The following SH3BP1 variants were observed in gnomAD, a reference collection of about 807,000 sequenced individuals.
SH3BP1 encodes SH3 domain binding protein 1, also known as SH3 domain-binding protein 1.
A neutral mutation model predicts 69.8 loss-of-function variants in SH3BP1; 46 were observed. The ratio of observed to expected loss-of-function variants is 0.66; its 90% CI spans 0.52 to 0.84. The LOEUF (loss-of-function observed/expected upper bound fraction) is 0.84. Ranked by LOEUF, SH3BP1 falls within the 40% of genes least tolerant of loss-of-function variation. SH3BP1 has a pLI of 0.00. For missense variants in SH3BP1, 868 were observed against 930.9 expected, an observed-to-expected ratio of 0.93 and a Z score of 0.88; for synonymous variants, 403 against 378.0, an observed-to-expected ratio of 1.07 and a Z score of -0.77.
rs1235628410 is a variant in SH3BP1, at chr22:37,650,227, C to G, written c.1392C>G (p.Ser464Arg). 6.2e-7 allele frequency: 1 copy of G among 1,611,830 alleles called. No homozygotes were observed. Reference sequence around the variant, plus strand: ...GCGTCGTCGAGGCGCTGATCCAGAGCGCAGACACCCTCTTCCCTGGAGGTG... The same window carrying G: ...GCGTCGTCGAGGCGCTGATCCAGAGGGCAGACACCCTCTTCCCTGGAGGTG... Reference protein sequence around the residue: ...VVGVVEALIQSADTLFPGDIN... With the variant: ...VVGVVEALIQRADTLFPGDIN... Residue 464 changes from serine (S) to arginine (R), a missense_variant, in exon 15 of 18, where the codon AGC becomes AGG. Ser to Arg is a moderately radical substitution (Grantham distance 110, BLOSUM62 -1). Around this residue, in one of 3 missense-constraint regions of SH3BP1, gnomAD observed 474 missense variants for 462.3 expected, o/e 1.03. Coordinates refer to ENST00000649765, the MANE Select transcript of SH3BP1 (RefSeq NM_018957.6).
chr22:37,641,392 C>A lies in SH3BP1; in HGVS notation c.121C>A (p.Pro41Thr). 1 of 1,550,896 alleles carries A rather than the reference C, an allele frequency of 6.4e-7. No individual in the cohort carries two copies. The highest frequency in any genetic ancestry group is 1.2e-5 in the South Asian group (1 of 84,072). Residue 41 changes from proline (P) to threonine (T), a missense_variant, in exon 3 of 18, where the codon CCG becomes ACG. By Grantham distance (38) the Pro-to-Thr change is conservative. Transcript: ENST00000649765. ...DLLQVEQRLE[P>T]AKRAAHNIHK... Reference sequence around the variant, plus strand: ...TTCCCAGGTAGAACAGCGGCTGGAGCCGGCCAAGCGGGCAGCCCACAACAT... The same window carrying A: ...TTCCCAGGTAGAACAGCGGCTGGAGACGGCCAAGCGGGCAGCCCACAACAT...
rs551332568 is a variant in SH3BP1, at chr22:37,650,666, G to T, written c.1539G>T (p.Pro513=). The change falls in exon 16 of 18, where the codon CCG becomes CCT. Residue 513 remains proline (P), a synonymous_variant. Transcript: ENST00000649765. ...AVPTPATTPA[P]APAPAPAPAP... The stretch of plus-strand genomic sequence containing the variant: ...CCACCCCAGCCACCACCCCGGCTCC[G>T]GCTCCGGCTCCAGCTCCAGCTCCGG... The T allele has an allele frequency of 5.6e-6, 9 of 1,613,710 alleles. No individual in the cohort carries two copies. In the Admixed American group the frequency reaches 1.5e-4, roughly 27 times the overall value.
intron 15 of SH3BP1, 49 bp downstream of exon 15, chr22:37,650,298 C>G: frequency 6.5e-7 from 1 of 1,550,366 alleles, no homozygotes; most frequent in Non-Finnish European, 8.7e-7. Flanking sequence ...CTCCTTCTGC[C>G]CTGCTCCCTC....
In SH3BP1 at chr22:37,655,203, C is replaced by T. The variant is rs573712012; in HGVS notation, c.1694-69C>T. 254 of 1,182,152 alleles carry T rather than the reference C, an allele frequency of 2.1e-4. No homozygotes were observed. In the African/African-American group the frequency reaches 2.7e-3, roughly 13 times the overall value. 73.2% of individuals were successfully genotyped at this position (1,182,152 alleles called of 1,614,324 possible). A position where few individuals can be genotyped will look rare whatever the true frequency, so the allele number is the denominator to read the frequency against. On this transcript the variant is annotated intron_variant, in intron 17 of 17. Transcript: ENST00000649765. ...CAGATGCAAAGGTTGTGAGGGGGCACGGAGCTTGGTGGATTCACCACAGGC... is the reference window on the plus strand; with the variant it reads ...CAGATGCAAAGGTTGTGAGGGGGCATGGAGCTTGGTGGATTCACCACAGGC...
chr22:37,652,825 CAA>C (rs34342757), intron 16 of SH3BP1, among the ~76,000 whole-genome samples: 17,369 of 97,522 alleles, frequency 0.18, 1,908 homozygotes, highest in African/African-American at 0.36. Context: ...AACTCCATCT[CAA>C]AAAAAAAAAA....
chr22:37,643,424 C>T, intron 6 of SH3BP1: 3 of 682,350 alleles, frequency 4.4e-6, no homozygotes, highest in Non-Finnish European at 4.9e-6. Flanking sequence ...TGCGGCAGCC[C>T]TGTTCTCCCC....
chr22:37,646,934 C>T lies in SH3BP1; in HGVS notation c.1036+5C>T, dbSNP rs1163581200. On this transcript the variant is annotated splice_donor_5th_base_variant and intron_variant, in intron 11 of 17. Transcript: ENST00000649765. ...CCGACCCGCACGCTGTGGCAGGTGC[C>T]TGATCCGGGGAGCCCTGGGCAGGAG... The T allele has an allele frequency of 1.1e-5, 17 of 1,518,446 alleles. No homozygotes were observed. 94.1% of individuals were successfully genotyped at this position (1,518,446 alleles called of 1,614,324 possible).
At chr22:37,648,240 C>A in intron 13 of SH3BP1, 79 bp from the exon 14 acceptor site, 1 of 1,013,060 alleles carries the variant, frequency 9.9e-7, no homozygotes, top group Admixed American at 2.0e-5. Flanking sequence ...GTCTTTCACA[C>A]TCTTTGGAAA....
chr22:37,654,965 A>G (rs1039047425), intron 17 of SH3BP1, among the ~76,000 whole-genome samples: 5 of 152,090 alleles, frequency 3.3e-5, no homozygotes, highest in Non-Finnish European at 7.4e-5. Flanking sequence ...ACTTTTAAAA[A>G]TTCAAAATAA....
chr22:37,650,521 C>G, intron 15 of SH3BP1, 21 bp from the exon 16 acceptor site: 1 of 1,597,714 alleles, frequency 6.3e-7, no homozygotes. Flanking sequence ...TGAGAGCCGT[C>G]TCCGCTCCTT....
At chr22:37,641,893 T>C (rs1932610915) in intron 3 of SH3BP1, 1 of 194,128 alleles carries the variant, frequency 5.2e-6, no homozygotes, top group Non-Finnish European at 1.1e-5. Flanking sequence ...ATGAGTGCAC[T>C]GTCTCATGGA....
In SH3BP1 at chr22:37,655,551, G is replaced by A. The variant is rs775082530; in HGVS notation, c.1973G>A (p.Ser658Asn). 6.3e-7 allele frequency: 1 copy of A among 1,592,514 alleles called. No homozygotes were observed. The highest frequency in any genetic ancestry group is 8.5e-7 in the Non-Finnish European group (1 of 1,171,040). The change falls in exon 18 of 18, where the codon AGT becomes AAT. Residue 658 changes from serine (S) to asparagine (N), a missense_variant. This residue lies in a region of SH3BP1 where 474 missense variants were observed against 462.3 expected (regional missense o/e 1.03). Coordinates refer to ENST00000649765, the MANE Select transcript of SH3BP1 (RefSeq NM_018957.6). ...GCCTCCCCCAGCCCAGTCTCTTTGA[G>A]TAACCCTGCACAGGTGGACCTGGGG... ...GPASPSPVSL[S>N]NPAQVDLGAA...
intron 11 of SH3BP1, 77 bp downstream of exon 11, chr22:37,647,006 C>G: frequency 1.0e-6 from 1 of 1,001,292 alleles, no homozygotes; most frequent in Non-Finnish European, 1.4e-6. Context: ...CCAAGATAGC[C>G]TGGCTTTAAG....
intron 16 of SH3BP1, among the ~76,000 whole-genome samples, chr22:37,652,522 A>G (rs1013544286): frequency 4.0e-5 from 6 of 151,718 alleles, no homozygotes; most frequent in African/African-American, 1.2e-4. Context: ...ACAGAGTGAG[A>G]TCCTTTCTCA....
intron 9 of SH3BP1, 44 bp downstream of exon 9, chr22:37,645,004 T>G: frequency 6.5e-7 from 1 of 1,542,340 alleles, no homozygotes; most frequent in Non-Finnish European, 8.9e-7. Flanking sequence ...GACCCTGCCC[T>G]GCTCGGGGCT....
At chr22:37,650,444 G>A in intron 15 of SH3BP1, 98 bp from the exon 16 acceptor site, 3 of 1,521,974 alleles carry the variant, frequency 2.0e-6, no homozygotes, top group Non-Finnish European at 1.8e-6. Context: ...GCTGAACATG[G>A]TCCAGATGGG....
At chr22:37,640,187 G>T (rs1932532132) in intron 1 of SH3BP1, among the ~76,000 whole-genome samples, 1 of 152,118 alleles carries the variant, frequency 6.6e-6, no homozygotes, top group Non-Finnish European at 1.5e-5. Flanking sequence ...GTCCCCTCTG[G>T]ACAATGGGAC....
rs1437990625 is a variant in SH3BP1 at position 37,646,889 on chromosome 22, C to T, written c.996C>T (p.His332=). The T allele has an allele frequency of 1.3e-6, 2 of 1,563,350 alleles. No homozygotes were observed. The highest frequency in any genetic ancestry group is 1.7e-6 in the Non-Finnish European group (2 of 1,157,054). Residue 332 remains histidine, a synonymous_variant, in exon 11 of 18, where the codon CAC becomes CAT. Coordinates refer to ENST00000649765, the MANE Select transcript of SH3BP1 (RefSeq NM_018957.6). The part of the protein sequence containing the change: ...RLKQTMASDP[H]SLEEFCSDPH... ...AGCAGACAATGGCCTCGGACCCCCA[C>T]AGCCTGGAGGAGTTCTGCTCCGACC...
chr22:37,647,075 G>GC, intron 11 of SH3BP1, 146 bp downstream of exon 11: 2 of 735,760 alleles, frequency 2.7e-6, no homozygotes, highest in Non-Finnish European at 4.4e-6. Flanking sequence ...TCCATCATGA[G>GC]CCCCCCGAAA....
Sources: allele counts gnomAD v4.1 joint callset (sites outside exome capture counted in the v4.1 genomes callset), GRCh38; gene constraint gnomAD v4.1.1; regional missense constraint gnomAD v4.1.1; transcripts MANE v1.5; gene names NCBI Gene and HGNC (gene_info 2026-07-23, HGNC 2026-07-21).